SPATS2L: variants seen among roughly 807,000 people sequenced by gnomAD.
The protein encoded by SPATS2L is SPATS2-like protein.
Under a neutral mutation model 59.6 loss-of-function variants are expected in SPATS2L, and 30 were observed. The observed-to-expected ratio is 0.50, with a 90% confidence interval of 0.38 to 0.68. The LOEUF is 0.68. Ranked by LOEUF, SPATS2L falls within the 30% of genes least tolerant of loss-of-function variation. SPATS2L has a pLI of 0.00. For synonymous variants in SPATS2L, 252 were observed against 263.5 expected (o/e 0.96, Z 0.42); for missense variants, 615 against 700.0 (o/e 0.88, Z 1.37).
At chr2:200,308,552 A>G (rs535807418) in intron 1 of SPATS2L, among the ~76,000 whole-genome samples, 1 of 152,336 alleles carries the variant, frequency 6.6e-6, no homozygotes, top group African/African-American at 2.4e-5. Context: ...GGAGCAGCAG[A>G]ACAGAAAACA....
intron 9 of SPATS2L, 25 bp from the exon 10 acceptor site, chr2:200,467,265 T>C (rs1414586308): frequency 3.4e-6 from 5 of 1,483,274 alleles, no homozygotes; most frequent in Non-Finnish European, 4.7e-6. Flanking sequence ...CTGGCCCTAA[T>C]GTATGACTCC....
chr2:200,332,772 C>G (rs1353995524), intron 2 of SPATS2L, among the ~76,000 whole-genome samples: 1 of 143,268 alleles, frequency 7.0e-6, no homozygotes, highest in South Asian at 2.3e-4. Context: ...AGTTAGCTGC[C>G]TGTGTGTGTG....
At chr2:200,407,917 G>A (rs189548294) in intron 3 of SPATS2L, among the ~76,000 whole-genome samples, 1 of 152,246 alleles carries the variant, frequency 6.6e-6, no homozygotes, top group Non-Finnish European at 1.5e-5. Context: ...CAACAAATAT[G>A]TATTAAATAC....
At chr2:200,395,075 G>T (rs1353304124) in intron 3 of SPATS2L, among the ~76,000 whole-genome samples, 1 of 152,104 alleles carries the variant, frequency 6.6e-6, no homozygotes, top group Non-Finnish European at 1.5e-5. Context: ...TAAAGAAATT[G>T]AATACTAGAA....
chr2:200,354,825 A>G (rs771333521), intron 2 of SPATS2L, among the ~76,000 whole-genome samples: 32 of 152,136 alleles, frequency 2.1e-4, no homozygotes, highest in Non-Finnish European at 3.5e-4. Context: ...ATCAGAAAAT[A>G]TTTTTCGATT....
At chr2:200,382,680 C>T (rs2081860661) in intron 2 of SPATS2L, among the ~76,000 whole-genome samples, 2 of 152,050 alleles carry the variant, frequency 1.3e-5, no homozygotes, top group South Asian at 4.1e-4. Context: ...AACTGTGGGA[C>T]CTTGAGCAGT....
rs904102729 is a variant in SPATS2L at position 200,384,770 on chromosome 2, A to G, written c.-22-4453A>G. 4.6e-5 allele frequency among the ~76,000 whole-genome samples: 7 copies of G among 152,218 alleles called. No homozygotes were observed. In the East Asian group the frequency reaches 1.2e-3, roughly 25 times the overall value. ...AGTTTTAACAGTTTCCTTGATCTCT[A>G]TTTTTCTTTAGGACATATGTAAAAA... On this transcript the variant is annotated intron_variant, in intron 2 of 12. Transcript: ENST00000409140.
chr2:200,330,458 T>C (rs1356334776), intron 2 of SPATS2L, among the ~76,000 whole-genome samples: 1 of 152,234 alleles, frequency 6.6e-6, no homozygotes, highest in Non-Finnish European at 1.5e-5. Flanking sequence ...TTCCTCATAT[T>C]TGAATCACAA....
intron 1 of SPATS2L, among the ~76,000 whole-genome samples, chr2:200,307,933 C>T (rs185861426): frequency 6.6e-6 from 1 of 152,250 alleles, no homozygotes; most frequent in Admixed American, 6.5e-5. Context: ...CTAGTGAAAA[C>T]CCTTGAACTT....
At chr2:200,416,962 C>T (rs546803150) in intron 5 of SPATS2L, among the ~76,000 whole-genome samples, 1 of 152,304 alleles carries the variant, frequency 6.6e-6, no homozygotes, top group Admixed American at 6.5e-5. Flanking sequence ...CACTGGCGTA[C>T]TGCTCTTTGA....
At chr2:200,325,413 C>G (rs1264968804) in intron 1 of SPATS2L, among the ~76,000 whole-genome samples, 1 of 152,138 alleles carries the variant, frequency 6.6e-6, no homozygotes, top group African/African-American at 2.4e-5. Flanking sequence ...GAGTCTCACT[C>G]TGTTACCTAG....
At chr2:200,400,833 T>G (rs2082502484) in intron 3 of SPATS2L, among the ~76,000 whole-genome samples, 4 of 152,348 alleles carry the variant, frequency 2.6e-5, no homozygotes, top group Admixed American at 2.6e-4. Flanking sequence ...TTTCCAAATG[T>G]TCAGTGACTT....
intron 1 of SPATS2L, among the ~76,000 whole-genome samples, chr2:200,307,677 C>G (rs1279648238): frequency 6.6e-6 from 1 of 152,228 alleles, no homozygotes; most frequent in East Asian, 1.9e-4. Flanking sequence ...ATCATGCTGC[C>G]GCACACGCGG....
chr2:200,477,563 G>T, intron 12 of SPATS2L, 73 bp from the exon 13 acceptor site: 5 of 835,100 alleles, frequency 6.0e-6, no homozygotes, highest in South Asian at 2.9e-5. Context: ...TAGAGATTTG[G>T]TTTTCCTGAT....
At chr2:200,466,166 A>G (rs1224892824) in intron 9 of SPATS2L, among the ~76,000 whole-genome samples, 1 of 152,176 alleles carries the variant, frequency 6.6e-6, no homozygotes, top group Non-Finnish European at 1.5e-5. Context: ...TTGAGTAATA[A>G]GAACTCTTAA....
intron 2 of SPATS2L, among the ~76,000 whole-genome samples, chr2:200,354,334 C>T (rs188613180): frequency 1.9e-3 from 282 of 152,246 alleles, no homozygotes; most frequent in East Asian, 4.4e-3. Context: ...TCAGGTCGGG[C>T]GCGATGGCTC....
intron 8 of SPATS2L, among the ~76,000 whole-genome samples, chr2:200,455,315 A>G (rs1300638376): frequency 6.6e-6 from 1 of 152,220 alleles, no homozygotes; most frequent in Non-Finnish European, 1.5e-5. Flanking sequence ...GATTAAGCAA[A>G]GACCTGAAGG....
intron 9 of SPATS2L, chr2:200,461,014 A>G (rs894251999): frequency 1.3e-5 from 2 of 151,954 alleles, no homozygotes; most frequent in African/African-American, 2.4e-5. Context: ...GGGTTTCACC[A>G]TGTTAGCCAG....
At chr2:200,414,770 TTAA>T (rs911306901) in intron 4 of SPATS2L, among the ~76,000 whole-genome samples, 3 of 152,212 alleles carry the variant, frequency 2.0e-5, no homozygotes, top group East Asian at 1.9e-4. Flanking sequence ...TAATTAAAAT[TTAA>T]TAATAACAGT....
Sources: allele counts gnomAD v4.1 joint callset (sites outside exome capture counted in the v4.1 genomes callset), GRCh38; gene constraint gnomAD v4.1.1; transcripts MANE v1.5; gene names NCBI Gene and HGNC (gene_info 2026-07-23, HGNC 2026-07-21).